FRYL: variants seen among roughly 807,000 people sequenced by gnomAD.
FRYL encodes the protein protein furry homolog-like.
In FRYL, 150 loss-of-function variants were observed where a neutral mutation model predicts 351.2. The observed-to-expected ratio is 0.43, with a 90% CI of 0.37 to 0.49. FRYL has a LOEUF of 0.49. FRYL is among the 20% of genes least tolerant of loss of function. The probability of loss-of-function intolerance (pLI) is 0.00; values close to 1 mark genes in which losing one functional copy is unlikely to be tolerated. For missense variants in FRYL, 3,036 were observed against 3,619.3 expected (o/e 0.84, Z 4.13); for synonymous variants, 1,153 against 1,257.1 (o/e 0.92, Z 1.75).
intron 57 of FRYL, among the ~76,000 whole-genome samples, chr4:48,512,269 C>T (rs1167011356): frequency 6.6e-6 from 1 of 152,040 alleles, no homozygotes; most frequent in Non-Finnish European, 1.5e-5. Context: ...ATTCTAATTG[C>T]CTTAGGGGAG....
At chr4:48,651,289 C>CTGTGTGTGTGTGTG (rs59845967) in intron 3 of FRYL, among the ~76,000 whole-genome samples, 1 of 62,372 alleles carries the variant, frequency 1.6e-5, no homozygotes, top group African/African-American at 7.8e-5. Context: ...CAGGATCTCA[C>CTGTGTGTGTGTGTG]TGTGTGTGTG....
intron 33 of FRYL, among the ~76,000 whole-genome samples, chr4:48,560,885 T>G (rs1266552868): frequency 1.3e-5 from 2 of 152,180 alleles, no homozygotes; most frequent in South Asian, 4.1e-4. Flanking sequence ...CACTATCTCT[T>G]GAGCCCAAAT....
At chr4:48,739,320 G>C (rs1185305506) in intron 1 of FRYL, among the ~76,000 whole-genome samples, 1 of 148,550 alleles carries the variant, frequency 6.7e-6, no homozygotes, top group African/African-American at 2.5e-5. Context: ...AGAATTGCCT[G>C]AACCTGGGAG....
At chr4:48,644,888 C>T (rs1756078536) in intron 3 of FRYL, among the ~76,000 whole-genome samples, 1 of 150,910 alleles carries the variant, frequency 6.6e-6, no homozygotes, top group Non-Finnish European at 1.5e-5. Context: ...AGAAATGATA[C>T]CATAAACAAG....
intron 5 of FRYL, among the ~76,000 whole-genome samples, chr4:48,621,807 G>C (rs1750695330): frequency 6.6e-6 from 1 of 151,992 alleles, no homozygotes. Flanking sequence ...CAGTTTATTT[G>C]ATTCTGTTGG....
At chr4:48,615,560 T>A (rs929630951) in intron 7 of FRYL, among the ~76,000 whole-genome samples, 1 of 152,240 alleles carries the variant, frequency 6.6e-6, no homozygotes, top group African/African-American at 2.4e-5. Flanking sequence ...TTATCATGGA[T>A]CTAAGCCCTT....
At chr4:48,614,414 A>C (rs552968206) in intron 7 of FRYL, among the ~76,000 whole-genome samples, 17 of 152,200 alleles carry the variant, frequency 1.1e-4, no homozygotes, top group Non-Finnish European at 2.4e-4. Flanking sequence ...AATATGCAAG[A>C]AAATCTAGTA....
chr4:48,620,613 G>A lies in FRYL; in HGVS notation c.314+26C>T, dbSNP rs780298115. 1.3e-5 allele frequency: 21 copies of A among 1,588,262 alleles called. No homozygotes were observed. In the South Asian group the frequency reaches 2.3e-4, roughly 17 times the overall value. On this transcript the variant is annotated intron_variant, in intron 6 of 63. Coordinates refer to ENST00000358350, the MANE Select transcript of FRYL (RefSeq NM_015030.2). ...CATTGGAAGTGTGTTAATTCCAGGT[G>A]AAACAGTGTAAAATAAAGCACTTAC...
chr4:48,578,523 A>C (rs552030823), intron 23 of FRYL, among the ~76,000 whole-genome samples: 21 of 152,226 alleles, frequency 1.4e-4, no homozygotes, highest in Non-Finnish European at 2.2e-4. Context: ...AACATCCTCA[A>C]ATCTCCTACT....
intron 15 of FRYL, 98 bp from the exon 16 acceptor site, chr4:48,594,114 G>T: frequency 1.5e-6 from 1 of 661,040 alleles, no homozygotes; most frequent in Non-Finnish European, 2.4e-6. Context: ...ACAGGTTTGT[G>T]CCCTTAAAAA....
At position 48,668,296 on chromosome 4, in the gene FRYL, G is replaced by C. The variant is rs1318974783; in HGVS notation, c.-81+16377C>G. Reference sequence around the variant, plus strand: ...TTGCTTAATTTGAGGTGGTTTTTTTGTTTTTCTCTTTCCATTTTGAAACTA... The same window carrying C: ...TTGCTTAATTTGAGGTGGTTTTTTTCTTTTTCTCTTTCCATTTTGAAACTA... On this transcript the variant is annotated intron_variant, in intron 3 of 63. Transcript: ENST00000358350. 6.7e-5 allele frequency among the ~76,000 whole-genome samples: 10 copies of C among 148,486 alleles called. No individual in the cohort carries two copies. In the South Asian group the frequency reaches 1.9e-3, roughly 28 times the overall value.
In FRYL at chr4:48,534,623, C is replaced by G. The variant is rs770043105; in HGVS notation, c.6627G>C (p.Leu2209Phe). The G allele has an allele frequency of 7.5e-6, 12 of 1,599,054 alleles. No homozygotes were observed. The highest frequency in any genetic ancestry group is 1.3e-5 in the African/African-American group (1 of 74,568). Residue 2209 changes from leucine to phenylalanine, a missense_variant, in exon 49 of 64, where the codon TTG becomes TTC. This residue lies in a region of FRYL where 1,987 missense variants were observed against 2,311.7 expected (regional missense o/e 0.86). Coordinates refer to ENST00000358350, the MANE Select transcript of FRYL (RefSeq NM_015030.2). ...QSLLQIIYSLLSHIDLSAAPA... is the reference protein window; with the variant it reads ...QSLLQIIYSLFSHIDLSAAPA... Reference sequence around the variant, plus strand: ...GGGCTGCAGACAGGTCAATATGACTCAATAGACTATAAATAATCTGTAGTA... The same window carrying G: ...GGGCTGCAGACAGGTCAATATGACTGAATAGACTATAAATAATCTGTAGTA...
chr4:48,547,124 T>C (rs562403250), intron 41 of FRYL, among the ~76,000 whole-genome samples: 1 of 152,304 alleles, frequency 6.6e-6, no homozygotes, highest in East Asian at 1.9e-4. Flanking sequence ...AAAATTAACA[T>C]TGACAGTGAA....
chr4:48,605,712 A>G, intron 11 of FRYL, 29 bp downstream of exon 11: 1 of 1,357,578 alleles, frequency 7.4e-7, no homozygotes, highest in Non-Finnish European at 1.1e-6. Flanking sequence ...ATAACACACA[A>G]ATGGTATGAA....
At chr4:48,620,257 C>A (rs1317101412) in intron 6 of FRYL, among the ~76,000 whole-genome samples, 2 of 152,174 alleles carry the variant, frequency 1.3e-5, no homozygotes, top group Non-Finnish European at 2.9e-5. Flanking sequence ...AGGGTTTTGG[C>A]AGTCTTCCTG....
At position 48,547,655 on chromosome 4, in the gene FRYL, C is replaced by T; in HGVS notation, c.5003G>A (p.Arg1668Lys). 1 of 1,607,440 alleles carries T rather than the reference C, an allele frequency of 6.2e-7. No homozygotes were observed. The highest frequency in any genetic ancestry group is 8.5e-7 in the Non-Finnish European group (1 of 1,175,418). ...NIRTVASVLL[R>K]NKEFNEPRVL... Reference sequence around the variant, plus strand: ...CCTGGGCTCATTAAACTCCTTGTTCCTGAGAAGGACAGAAGCAACAGTTCG... The same window carrying T: ...CCTGGGCTCATTAAACTCCTTGTTCTTGAGAAGGACAGAAGCAACAGTTCG... Residue 1668 changes from arginine to lysine, a missense_variant, in exon 41 of 64, where the codon AGG becomes AAG. Coordinates refer to ENST00000358350, the MANE Select transcript of FRYL (RefSeq NM_015030.2).
chr4:48,632,986 C>T (rs1289691418), intron 4 of FRYL, among the ~76,000 whole-genome samples: 7 of 152,136 alleles, frequency 4.6e-5, no homozygotes, highest in Non-Finnish European at 5.9e-5. Context: ...CTCCTCAGTG[C>T]GCCGTCACAA....
chr4:48,507,739 C>A (rs1196090611), intron 59 of FRYL, among the ~76,000 whole-genome samples: 3 of 151,878 alleles, frequency 2.0e-5, no homozygotes, highest in Non-Finnish European at 2.9e-5. Flanking sequence ...ATAGATAGAT[C>A]GTGAGATATT....
chr4:48,656,569 T>G (rs1162297579), intron 3 of FRYL, among the ~76,000 whole-genome samples: 1 of 124,860 alleles, frequency 8.0e-6, no homozygotes, highest in South Asian at 2.6e-4. Flanking sequence ...TGTATACATA[T>G]ATGCATTATA....
Sources: gnomAD v4.1 joint callset for allele counts (sites outside exome capture counted in the v4.1 genomes callset) on GRCh38, gnomAD v4.1.1 for gene constraint, gnomAD v4.1.1 regional missense constraint, MANE v1.5 for transcripts, NCBI Gene and HGNC (gene_info 2026-07-23, HGNC 2026-07-21) for gene names.